SERPINB8: variants seen among roughly 807,000 people sequenced by gnomAD.
SERPINB8 encodes serpin family B member 8, also known as serpin B8.
SERPINB8 carries 25 observed loss-of-function variants against 35.3 expected under a neutral mutation model. That is an observed-to-expected ratio of 0.71 (90% CI 0.52 to 0.99). The LOEUF (loss-of-function observed/expected upper bound fraction) is 0.99, where lower values mean the gene tolerates loss of function less well. SERPINB8 is among the 50% of genes least tolerant of loss of function. SERPINB8 has a pLI of 0.00. For synonymous variants in SERPINB8, 186 were observed against 160.8 expected, an observed-to-expected ratio of 1.16 and a Z score of -1.19; for missense variants, 484 against 446.5, an observed-to-expected ratio of 1.08 and a Z score of -0.76.
intron 1 of SERPINB8, among the ~76,000 whole-genome samples, chr18:63,973,617 G>A (rs2050529749): frequency 6.6e-6 from 1 of 152,106 alleles, no homozygotes; most frequent in African/African-American, 2.4e-5. Context: ...GGGTTTTTAT[G>A]GTTTTAGGTC....
Position 63,997,318 on chromosome 18 carries a change from T to G in SERPINB8, c.71-7501T>G, listed in dbSNP as rs116370555. ...CCTCAAATATCCAGGTGGGTGTGGC[T>G]TAAGAGTATTCTCTAGTGAATGAAA... On this transcript the variant is annotated intron_variant, in intron 1 of 1. Coordinates refer to the SERPINB8 transcript ENST00000493661. Among the ~76,000 whole-genome samples, 793 of 152,316 alleles carry G rather than the reference T, an allele frequency of 5.2e-3. 9 individuals are homozygous for G. Among genetic ancestry groups the G allele is most frequent in the African/African-American group, 0.017 (699 of 41,564 alleles).
At chr18:64,006,781 A>G (rs547418477), downstream of SERPINB8, among the ~76,000 whole-genome samples, 1 of 152,352 alleles carries the variant, frequency 6.6e-6, no homozygotes, top group East Asian at 1.9e-4. Flanking sequence ...ACTTTGTATA[A>G]GTTCTAATTC....
At position 63,987,431 on chromosome 18, in the gene SERPINB8, C is replaced by T. The variant is rs2050778867; in HGVS notation, c.*153C>T. The T allele has an allele frequency of 1.2e-6, 1 of 830,914 alleles. No homozygotes were observed. The highest frequency in any genetic ancestry group is 1.8e-6 in the Non-Finnish European group (1 of 542,880). 51.5% of individuals were successfully genotyped at this position (830,914 alleles called of 1,614,324 possible). On this transcript the variant is annotated 3_prime_UTR_variant, in exon 7 of 7. Transcript: ENST00000397985. ...AAAGTCTTTGCTGAAAGTTCCAGAG[C>T]CATTGAGAATAACTGAGGCCGCAGA...
At chr18:64,002,204 C>T (rs2050878774) in intron 1 of SERPINB8, among the ~76,000 whole-genome samples, 1 of 152,166 alleles carries the variant, frequency 6.6e-6, no homozygotes, top group Non-Finnish European at 1.5e-5. Flanking sequence ...CAGAACCACT[C>T]ACACTTAGCA....
chr18:64,000,580 C>T (rs2050869599), intron 1 of SERPINB8, among the ~76,000 whole-genome samples: 1 of 152,214 alleles, frequency 6.6e-6, no homozygotes, highest in Non-Finnish European at 1.5e-5. Flanking sequence ...CTGGGCCAGC[C>T]ATGCCCTGTG....
At chr18:64,013,890 G>T (rs1208469447) in intron 7 of SERPINB8, among the ~76,000 whole-genome samples, 1 of 152,158 alleles carries the variant, frequency 6.6e-6, no homozygotes, top group Non-Finnish European at 1.5e-5. Flanking sequence ...GAAGGGGAAT[G>T]GTAGCAAAAG....
At chr18:64,005,780 A>G (rs756622186), downstream of SERPINB8, 1 of 152,248 alleles carries the variant, frequency 6.6e-6, no homozygotes, top group African/African-American at 2.4e-5. Flanking sequence ...TCTGTGCTCA[A>G]CTTCACTAAA....
At chr18:63,979,582 C>CA (rs1438925816) in intron 2 of SERPINB8, among the ~76,000 whole-genome samples, 1 of 152,142 alleles carries the variant, frequency 6.6e-6, no homozygotes, top group Non-Finnish European at 1.5e-5. Context: ...AGAAGTGCTG[C>CA]AAAAATCCTA....
intron 7 of SERPINB8, among the ~76,000 whole-genome samples, chr18:64,014,108 G>T (rs2050938642): frequency 6.6e-6 from 1 of 152,160 alleles, no homozygotes; most frequent in Non-Finnish European, 1.5e-5. Context: ...AAGAAGCCCA[G>T]TGAGAATATC....
chr18:63,994,790 A>G (rs2050840858), intron 1 of SERPINB8, among the ~76,000 whole-genome samples: 1 of 152,154 alleles, frequency 6.6e-6, no homozygotes, highest in Non-Finnish European at 1.5e-5. Context: ...AAGACTGTTC[A>G]CCAGACTCAG....
chr18:63,983,409 C>T (rs1454475993), intron 4 of SERPINB8, among the ~76,000 whole-genome samples, 170 bp from the exon 5 acceptor site: 2 of 152,180 alleles, frequency 1.3e-5, no homozygotes, highest in Non-Finnish European at 2.9e-5. Flanking sequence ...ACAAATGTTA[C>T]ACTGTGTATG....
rs1249312161 is a variant in SERPINB8, at chr18:63,986,900, A to G, written c.747A>G (p.Lys249=). 3 of 1,611,682 alleles carry G rather than the reference A, an allele frequency of 1.9e-6. No individual in the cohort carries two copies. The highest frequency in any genetic ancestry group is 2.5e-6 in the Non-Finnish European group (3 of 1,179,368). ...TGGAAAAAGCACTTACATATGAGAA[A>G]TTCAAAGCCTGGACAAATTCAGAAA... ...AVVEKALTYE[K]FKAWTNSEKL... is the part of the protein sequence containing the mutation. The change falls in exon 7 of 7, where the codon AAA becomes AAG. Residue 249 remains lysine (K), a synonymous_variant. Coordinates refer to ENST00000397985, the MANE Select transcript of SERPINB8 (RefSeq NM_002640.4).
chr18:63,985,277 T>C (rs780489735), intron 6 of SERPINB8, 32 bp downstream of exon 6: 13 of 1,611,664 alleles, frequency 8.1e-6, no homozygotes, highest in Non-Finnish European at 1.0e-5. Flanking sequence ...TGAGTATCTG[T>C]GGAGTCCAGC....
chr18:63,973,446 G>A lies in SERPINB8; in HGVS notation c.-11+3276G>A, dbSNP rs142652577. 5.4e-3 allele frequency among the ~76,000 whole-genome samples: 817 copies of A among 152,280 alleles called. 4 individuals are homozygous for A. Among genetic ancestry groups the A allele is most frequent in the Middle Eastern group, 0.017 (5 of 294 alleles). ...TTTTCTCCCATTCTGTAGGTTGCCT[G>A]TTTACTCTGATGGTAGTTTCTTTTG... On this transcript the variant is annotated intron_variant, in intron 1 of 6. Coordinates refer to ENST00000397985, the MANE Select transcript of SERPINB8 (RefSeq NM_002640.4).
rs138938190 is a variant in SERPINB8, at chr18:64,003,353, A to G, written c.71-1466A>G. Among the ~76,000 whole-genome samples the G allele has an allele frequency of 2.7e-3, 408 of 152,028 alleles. 1 individual carries two copies. Among genetic ancestry groups the G allele is most frequent in the African/African-American group, 9.2e-3 (383 of 41,452 alleles). On this transcript the variant is annotated intron_variant, in intron 1 of 1. Transcript: ENST00000493661. ...GGTGGGAAAGAGTGAAGTGGGGACC[A>G]TCTCCAGGGTAGGGACTGGGGAAGC...
intron 1 of SERPINB8, among the ~76,000 whole-genome samples, chr18:64,003,040 T>A (rs1415383108): frequency 6.6e-6 from 1 of 152,284 alleles, no homozygotes; most frequent in East Asian, 1.9e-4. Flanking sequence ...TCTCCTCTCC[T>A]CGCATTCTCT....
intron 1 of SERPINB8, among the ~76,000 whole-genome samples, chr18:64,001,707 G>A (rs990601264): frequency 1.3e-5 from 2 of 151,976 alleles, no homozygotes; most frequent in African/African-American, 2.4e-5. Context: ...GGCTGGTCTC[G>A]AACCCCTGAC....
chr18:63,975,275 C>T (rs2050563331), intron 1 of SERPINB8, among the ~76,000 whole-genome samples: 1 of 152,082 alleles, frequency 6.6e-6, no homozygotes, highest in Admixed American at 6.5e-5. Flanking sequence ...TCTTTGGTGC[C>T]ACCTTCTGGT....
At position 63,986,634 on chromosome 18, in the gene SERPINB8, A is replaced by G. The variant is rs779587611; in HGVS notation, c.721-240A>G. 53 of 1,320,686 alleles carry G rather than the reference A, an allele frequency of 4.0e-5. No individual in the cohort carries two copies. In the Middle Eastern group the frequency reaches 1.1e-3, roughly 28 times the overall value. The allele number at this position is 1,320,686 out of a possible 1,614,324, so 81.8% of individuals were successfully genotyped here. ...GAGTTAGGTACAAATTGTTTTTATT[A>G]AAAATTTCTGCCTGTCTCAGGTGTT... On this transcript the variant is annotated intron_variant, in intron 6 of 6. Coordinates refer to ENST00000397985, the MANE Select transcript of SERPINB8 (RefSeq NM_002640.4).
Sources: allele counts gnomAD v4.1 joint callset (sites outside exome capture counted in the v4.1 genomes callset), GRCh38; gene constraint gnomAD v4.1.1; transcripts MANE v1.5; gene names NCBI Gene and HGNC (gene_info 2026-07-23, HGNC 2026-07-21).